PTPDC1: variants seen among roughly 807,000 people sequenced by gnomAD.
PTPDC1 encodes the protein protein tyrosine phosphatase domain-containing protein 1.
In PTPDC1, 53 loss-of-function variants were observed where a neutral mutation model predicts 75.3. The ratio of observed to expected loss-of-function variants is 0.70; its 90% CI spans 0.56 to 0.88. The LOEUF is 0.88. Ranked by LOEUF, PTPDC1 falls within the 40% of genes least tolerant of loss-of-function variation. The pLI, the probability that PTPDC1 is intolerant of heterozygous loss-of-function variation, is 0.00. For missense variants in PTPDC1, 925 were observed against 998.6 expected (o/e 0.93, Z 0.99); for synonymous variants, 349 against 366.2 (o/e 0.95, Z 0.54).
Position 94,097,311 on chromosome 9 carries a change from C to T in PTPDC1, c.755-10C>T, listed in dbSNP as rs760752501. ...TTTCTCATACCAGTCTTCTCTTCTT[C>T]ACTGTTTAGGTGTTTTAATAGCCTG... On this transcript the variant is annotated splice_polypyrimidine_tract_variant and intron_variant, in intron 5 of 8. Transcript: ENST00000620992. The T allele has an allele frequency of 1.0e-5, 16 of 1,542,118 alleles. No individual in the cohort carries two copies. The highest frequency in any genetic ancestry group is 1.3e-5 in the Non-Finnish European group (15 of 1,135,314).
In PTPDC1 at chr9:94,093,989, A is replaced by T. The variant is rs558162193; in HGVS notation, c.617-1328A>T. Among the ~76,000 whole-genome samples, 58 of 151,718 alleles carry T rather than the reference A, an allele frequency of 3.8e-4. 1 individual carries two copies. In the East Asian group the frequency reaches 0.01, roughly 26 times the overall value. ...TTATTCTAGTAATACATTCTCCTAAATTTTTTTCAAAGTTTTCAACTGCTT... is the reference window on the plus strand; with the variant it reads ...TTATTCTAGTAATACATTCTCCTAATTTTTTTTCAAAGTTTTCAACTGCTT... On this transcript the variant is annotated intron_variant, in intron 4 of 8. Transcript: ENST00000620992.
At position 94,056,274 on chromosome 9, in the gene PTPDC1, T is replaced by C. The variant is rs188105770; in HGVS notation, c.-6-8460T>C. Among the ~76,000 whole-genome samples, 5 of 152,282 alleles carry C rather than the reference T, an allele frequency of 3.3e-5. No homozygotes were observed. The East Asian group carries it at 9.6e-4, about 29-fold the overall frequency. On this transcript the variant is annotated intron_variant, in intron 1 of 9. Coordinates refer to the PTPDC1 transcript ENST00000375360. Reference sequence around the variant, plus strand: ...TATTATTAATGAGCATAAAAATATTTATGTGGCTTTTATAGGTTCACTCAT... The same window carrying C: ...TATTATTAATGAGCATAAAAATATTCATGTGGCTTTTATAGGTTCACTCAT...
At chr9:94,075,610 T>C (rs1371349188) in intron 2 of PTPDC1, among the ~76,000 whole-genome samples, 4 of 152,180 alleles carry the variant, frequency 2.6e-5, no homozygotes, top group Non-Finnish European at 4.4e-5. Context: ...CCCAGGTAGC[T>C]CACAGCCATA....
chr9:94,062,630 C>T (rs907891187), intron 1 of PTPDC1, among the ~76,000 whole-genome samples: 7 of 152,052 alleles, frequency 4.6e-5, no homozygotes, highest in Admixed American at 1.3e-4. Flanking sequence ...GGAGGAAGGG[C>T]GGGGAGGTGC....
chr9:94,046,560 C>T (rs1036563743), intron 1 of PTPDC1, among the ~76,000 whole-genome samples: 3 of 152,156 alleles, frequency 2.0e-5, no homozygotes, highest in East Asian at 1.9e-4. Flanking sequence ...AGGTCCTTCA[C>T]GTCCCTTGTA....
intron 8 of PTPDC1, among the ~76,000 whole-genome samples, chr9:94,106,044 ATATAGT>A (rs1255917361): frequency 4.6e-5 from 7 of 152,276 alleles, no homozygotes; most frequent in East Asian, 1.9e-4. Flanking sequence ...GGGATAGATA[ATATAGT>A]TATAGATAAA....
intron 1 of PTPDC1, among the ~76,000 whole-genome samples, chr9:94,033,969 CA>C (rs780548810): frequency 3.5e-4 from 53 of 152,020 alleles, no homozygotes; most frequent in Admixed American, 7.9e-4. Flanking sequence ...ATGTGCCAGG[CA>C]GTATAGTAGA....
chr9:94,065,101 T>C (rs1006044511), intron 2 of PTPDC1, among the ~76,000 whole-genome samples: 1 of 152,284 alleles, frequency 6.6e-6, no homozygotes, highest in Non-Finnish European at 1.5e-5. Context: ...ATCAAAGGCC[T>C]ACTTATGAAT....
chr9:94,034,450 T>G (rs1825199758), intron 1 of PTPDC1, among the ~76,000 whole-genome samples: 1 of 152,170 alleles, frequency 6.6e-6, no homozygotes, highest in Non-Finnish European at 1.5e-5. Context: ...GAGAATTGCT[T>G]GAACCTGGGA....
At chr9:94,095,591 AG>A in intron 5 of PTPDC1, 137 bp downstream of exon 5, 1 of 670,026 alleles carries the variant, frequency 1.5e-6, no homozygotes, top group South Asian at 1.9e-5. Context: ...AATAAGTTCT[AG>A]TGTTCTGTAC....
intron 8 of PTPDC1, among the ~76,000 whole-genome samples, chr9:94,105,844 G>A (rs1346641604): frequency 6.6e-6 from 1 of 151,498 alleles, no homozygotes; most frequent in African/African-American, 2.4e-5. Context: ...ATGGTGGCAG[G>A]CGCCTGTAGT....
At chr9:94,041,288 T>C (rs1564007731) in intron 1 of PTPDC1, among the ~76,000 whole-genome samples, 1 of 152,208 alleles carries the variant, frequency 6.6e-6, no homozygotes, top group Non-Finnish European at 1.5e-5. Flanking sequence ...ATGGGGAAAG[T>C]ATCGTCATTT....
chr9:94,102,577 TTTTG>T (rs1352392778), intron 7 of PTPDC1, among the ~76,000 whole-genome samples: 1 of 152,078 alleles, frequency 6.6e-6, no homozygotes, highest in African/African-American at 2.4e-5. Context: ...TTGTTTTTGT[TTTTG>T]TTTGTTTCTT....
intron 1 of PTPDC1, among the ~76,000 whole-genome samples, chr9:94,050,820 A>G (rs975551893): frequency 6.6e-6 from 1 of 152,220 alleles, no homozygotes; most frequent in Non-Finnish European, 1.5e-5. Flanking sequence ...GGTGGAGTCT[A>G]CAGAGGCAGG....
chr9:94,102,093 T>C (rs1827861533), intron 7 of PTPDC1, among the ~76,000 whole-genome samples: 1 of 152,090 alleles, frequency 6.6e-6, no homozygotes, highest in Non-Finnish European at 1.5e-5. Context: ...TATTTTCCTG[T>C]GAATAATGTA....
intron 1 of PTPDC1, among the ~76,000 whole-genome samples, chr9:94,056,920 T>C (rs1396444543): frequency 6.6e-6 from 1 of 152,086 alleles, no homozygotes; most frequent in Non-Finnish European, 1.5e-5. Context: ...GTGAGAAAAA[T>C]ATCTGTCATT....
chr9:94,106,445 C>A (rs760869451), intron 8 of PTPDC1, among the ~76,000 whole-genome samples: 1 of 152,238 alleles, frequency 6.6e-6, no homozygotes, highest in South Asian at 2.1e-4. Context: ...GCTTGGGGCT[C>A]CTCAGCTATG....
upstream of PTPDC1, among the ~76,000 whole-genome samples, chr9:94,082,527 T>G (rs2117959290): frequency 6.6e-6 from 1 of 152,384 alleles, no homozygotes; most frequent in Admixed American, 6.5e-5. Context: ...TTCATATTTG[T>G]CATGATCAGT....
chr9:94,065,617 G>A (rs1826278043), intron 2 of PTPDC1, among the ~76,000 whole-genome samples: 1 of 152,198 alleles, frequency 6.6e-6, no homozygotes, highest in Non-Finnish European at 1.5e-5. Flanking sequence ...GCTGGAATCT[G>A]ACCACTCCAC....
Sources: allele counts gnomAD v4.1 joint callset (sites outside exome capture counted in the v4.1 genomes callset), GRCh38; gene constraint gnomAD v4.1.1; transcripts MANE v1.5; gene names NCBI Gene and HGNC (gene_info 2026-07-23, HGNC 2026-07-21).